MDGA1: variants seen among roughly 807,000 people sequenced by gnomAD.
MDGA1 encodes MAM domain-containing glycosylphosphatidylinositol anchor protein 1.
In MDGA1, 54 loss-of-function variants were observed where a neutral mutation model predicts 101.5. The ratio of observed to expected loss-of-function variants is 0.53; its 90% confidence interval spans 0.43 to 0.67. The LOEUF is 0.67. Among genes scored for constraint, MDGA1 ranks in the 30% least tolerant of loss-of-function variants. MDGA1 has a pLI of 0.00. For missense variants in MDGA1, 1,083 were observed against 1,323.8 expected (o/e 0.82, Z 2.82); for synonymous variants, 533 against 558.3 (o/e 0.95, Z 0.64).
In MDGA1 at chr6:37,659,677, T is replaced by G. The variant is rs374602073; in HGVS notation, c.208-1258A>C. On this transcript the variant is annotated intron_variant, in intron 2 of 16. Coordinates refer to ENST00000434837, the MANE Select transcript of MDGA1 (RefSeq NM_153487.4). ...AGGCCAGAGGCCAGAAAAGCAAGGCTGGGGAGAAGGGGTGAAAGGGCAACC... is the reference window on the plus strand; with the variant it reads ...AGGCCAGAGGCCAGAAAAGCAAGGCGGGGGAGAAGGGGTGAAAGGGCAACC... Among the ~76,000 whole-genome samples, 589 of 152,130 alleles carry G rather than the reference T, an allele frequency of 3.9e-3. 2 individuals carry two copies. Among genetic ancestry groups the G allele is most frequent in the African/African-American group, 0.014 (569 of 41,484 alleles).
intron 1 of MDGA1, among the ~76,000 whole-genome samples, chr6:37,687,428 G>T (rs1762219654): frequency 6.6e-6 from 1 of 151,180 alleles, no homozygotes; most frequent in Admixed American, 6.6e-5. Context: ...AGTTAGCCGG[G>T]CATGGTGGTG....
intron 1 of MDGA1, among the ~76,000 whole-genome samples, chr6:37,676,902 G>GA (rs564072339): frequency 0.018 from 1,320 of 71,392 alleles, 16 homozygotes; most frequent in African/African-American, 0.044. Context: ...CATCTCAACA[G>GA]AAAAAAAAAA....
chr6:37,655,768 G>C lies in MDGA1; in HGVS notation c.511C>G (p.Arg171Gly). ...SNPPARFIWKRGSDTLSHSQD... is the reference protein window; with the variant it reads ...SNPPARFIWKGGSDTLSHSQD... Reference sequence around the variant, plus strand: ...CTGTGGGATAGGGTATCGGAACCCCGCTTCCAGATGAAGCGGGCAGGCGGG... The same window carrying C: ...CTGTGGGATAGGGTATCGGAACCCCCCTTCCAGATGAAGCGGGCAGGCGGG... The change falls in exon 4 of 17, where the codon CGG becomes GGG. Residue 171 changes from arginine (R) to glycine (G), a missense_variant. Around this residue, in one of 3 missense-constraint regions of MDGA1, gnomAD observed 310 missense variants for 355.9 expected, o/e 0.87. Coordinates refer to ENST00000434837, the MANE Select transcript of MDGA1 (RefSeq NM_153487.4). This position sits in a 1 kb window ranked among gnomAD's most constrained non-coding sequence, Gnocchi z 5.1. 2 of 1,613,052 alleles carry C rather than the reference G, an allele frequency of 1.2e-6. No individual in the cohort carries two copies. The highest frequency in any genetic ancestry group is 1.7e-6 in the Non-Finnish European group (2 of 1,179,450).
intron 7 of MDGA1, 125 bp downstream of exon 7, chr6:37,651,886 G>T: frequency 1.3e-6 from 1 of 754,474 alleles, no homozygotes; most frequent in Non-Finnish European, 2.1e-6. Context: ...AAAGCACGTG[G>T]CATGAACAAG....
intron 8 of MDGA1, among the ~76,000 whole-genome samples, chr6:37,649,656 C>G (rs1203611256): frequency 6.6e-6 from 1 of 152,156 alleles, no homozygotes; most frequent in Non-Finnish European, 1.5e-5. Flanking sequence ...GTTACTCAAC[C>G]TCTCCGTGTC....
intron 2 of MDGA1, among the ~76,000 whole-genome samples, chr6:37,661,560 A>C (rs553785100): frequency 3.3e-5 from 5 of 152,364 alleles, no homozygotes; most frequent in African/African-American, 1.2e-4. Flanking sequence ...TGAAACAAGC[A>C]AAAAAACTAG....
At chr6:37,673,375 G>A (rs541517536) in intron 1 of MDGA1, among the ~76,000 whole-genome samples, 1 of 152,362 alleles carries the variant, frequency 6.6e-6, no homozygotes, top group African/African-American at 2.4e-5. Context: ...TAATGCAAAT[G>A]AACACTTAAT....
chr6:37,690,978 C>G lies in MDGA1; in HGVS notation c.67+5767G>C, dbSNP rs75935586. Among the ~76,000 whole-genome samples, 802 of 152,234 alleles carry G rather than the reference C, an allele frequency of 5.3e-3. 22 individuals carry two copies. Among genetic ancestry groups the G allele is most frequent in the South Asian group, 0.035 (170 of 4,822 alleles). ...TTGTCAAGGCCAGTTCAAATGCTCT[C>G]TTTTCCACAAGGCCTTGGAAGCAAT... On this transcript the variant is annotated intron_variant, in intron 1 of 16. Coordinates refer to ENST00000434837, the MANE Select transcript of MDGA1 (RefSeq NM_153487.4).
At chr6:37,672,421 AG>A (rs1761890600) in intron 1 of MDGA1, among the ~76,000 whole-genome samples, 1 of 152,238 alleles carries the variant, frequency 6.6e-6, no homozygotes, top group Non-Finnish European at 1.5e-5. Context: ...CCTGGGCGAC[AG>A]AGCAAGACCC....
At chr6:37,646,132 G>C (rs1304433563) in intron 11 of MDGA1, 66 bp downstream of exon 11, 1 of 1,551,360 alleles carries the variant, frequency 6.4e-7, no homozygotes, top group African/African-American at 1.4e-5. Context: ...ACCACATGAG[G>C]ATGGTGAAAG....
At chr6:37,650,738 C>T (rs573144978) in intron 7 of MDGA1, among the ~76,000 whole-genome samples, 2 of 152,314 alleles carry the variant, frequency 1.3e-5, no homozygotes, top group South Asian at 2.1e-4. Flanking sequence ...TGTCCTACTC[C>T]GGGCCCTGGC....
chr6:37,664,612 C>CACACAT (rs1383302676), intron 1 of MDGA1, among the ~76,000 whole-genome samples: 1 of 149,502 alleles, frequency 6.7e-6, no homozygotes, highest in East Asian at 2.0e-4. Context: ...CACACACACA[C>CACACAT]ACACACACAC....
chr6:37,647,341 G>C lies in MDGA1; in HGVS notation c.1895-17C>G, dbSNP rs1023431108. The C allele has an allele frequency of 3.2e-5, 49 of 1,507,926 alleles. No homozygotes were observed. The highest frequency in any genetic ancestry group is 4.1e-5 in the African/African-American group (3 of 72,474). The allele number at this position is 1,507,926 out of a possible 1,614,324, so 93.4% of individuals were successfully genotyped here. A position where few individuals can be genotyped will look rare whatever the true frequency, so the allele number is the denominator to read the frequency against. ...AGGCTTTGGCTAAGAGGGCGGGGAG[G>C]GGGGCATTGGGCCGTGGAGGGTGCA... is the stretch of plus-strand genomic sequence containing the variant. On this transcript the variant is annotated splice_polypyrimidine_tract_variant and intron_variant, in intron 9 of 16. Coordinates refer to ENST00000434837, the MANE Select transcript of MDGA1 (RefSeq NM_153487.4).
chr6:37,696,406 G>A lies in MDGA1; in HGVS notation c.67+339C>T, dbSNP rs963082424. On this transcript the variant is annotated intron_variant, in intron 1 of 16. Transcript: ENST00000434837. This position sits in a 1 kb window ranked among gnomAD's most constrained non-coding sequence, Gnocchi z 5.6. ...GGAGGCCGAGCCAGGACGAGGTTTC[G>A]GTGCAAGTCGCTGCACCAGTCCTAG... Among the ~76,000 whole-genome samples the A allele has an allele frequency of 3.3e-5, 5 of 152,190 alleles. No individual in the cohort carries two copies. The highest frequency in any genetic ancestry group is 7.4e-5 in the Non-Finnish European group (5 of 68,026).
intron 14 of MDGA1, among the ~76,000 whole-genome samples, chr6:37,642,848 C>T (rs928811156): frequency 5.3e-5 from 8 of 152,300 alleles, no homozygotes; most frequent in Non-Finnish European, 8.8e-5. Flanking sequence ...ATGGGGAACT[C>T]GTCCACCTCG....
chr6:37,673,860 C>T (rs1309355767), intron 1 of MDGA1, among the ~76,000 whole-genome samples: 1 of 152,214 alleles, frequency 6.6e-6, no homozygotes, highest in Non-Finnish European at 1.5e-5. Flanking sequence ...ACTTTTGGCC[C>T]ATCCAGTTCT....
At chr6:37,691,841 G>A (rs1258454448) in intron 1 of MDGA1, among the ~76,000 whole-genome samples, 1 of 152,198 alleles carries the variant, frequency 6.6e-6, no homozygotes, top group African/African-American at 2.4e-5. Context: ...CCATGCGCCA[G>A]GTTTATACAG....
At chr6:37,657,254 G>A (rs769649761) in intron 3 of MDGA1, among the ~76,000 whole-genome samples, 4 of 152,170 alleles carry the variant, frequency 2.6e-5, no homozygotes, top group Non-Finnish European at 5.9e-5. Context: ...CCAGGCATCC[G>A]TTTTTTTAAA....
chr6:37,660,917 C>T (rs1337969516), intron 2 of MDGA1, among the ~76,000 whole-genome samples: 1 of 152,192 alleles, frequency 6.6e-6, no homozygotes, highest in Non-Finnish European at 1.5e-5. Flanking sequence ...TACCGAAGAT[C>T]ATGGATTCAT....
Sources: allele counts gnomAD v4.1 joint callset (sites outside exome capture counted in the v4.1 genomes callset), GRCh38; gene constraint gnomAD v4.1.1; regional missense constraint gnomAD v4.1.1; non-coding constraint Gnocchi (gnomAD v3.1); transcripts MANE v1.5; gene names NCBI Gene and HGNC (gene_info 2026-07-23, HGNC 2026-07-21).